ZNF714: variants seen among roughly 807,000 people sequenced by gnomAD.
The protein encoded by ZNF714 is zinc finger protein 714.
In ZNF714, 32 loss-of-function variants were observed where a neutral mutation model predicts 46.2. That is an observed-to-expected ratio of 0.69 (90% CI 0.52 to 0.93). The LOEUF (loss-of-function observed/expected upper bound fraction) is 0.93, where lower values mean the gene tolerates loss of function less well. ZNF714 is among the 40% of genes least tolerant of loss of function. ZNF714 has a pLI of 0.00. For synonymous variants in ZNF714, 199 were observed against 213.1 expected (o/e 0.93, Z 0.58); for missense variants, 635 against 646.3 (o/e 0.98, Z 0.19).
In ZNF714 at chr19:21,104,315, C is replaced by G. The variant is rs371476186; in HGVS notation, c.142+5405C>G. 1.8e-4 allele frequency among the ~76,000 whole-genome samples: 27 copies of G among 152,142 alleles called. No individual in the cohort carries two copies. In the East Asian group the frequency reaches 4.8e-3, roughly 27 times the overall value. On this transcript the variant is annotated intron_variant, in intron 4 of 4. Coordinates refer to ENST00000456283, the MANE Select transcript of ZNF714 (RefSeq NM_182515.4). The stretch of plus-strand genomic sequence containing the variant: ...CAACTGGGTTGCTTCTGCCTTTTGG[C>G]TTTTGTGAATACTGGTACAATAAAC...
At chr19:21,109,795 T>TC (rs34724055) in intron 4 of ZNF714, among the ~76,000 whole-genome samples, 124,338 of 151,814 alleles carry the variant, frequency 0.82, 52,867 homozygotes, top group Middle Eastern at 0.93. Context: ...CCCCCATATG[T>TC]CATGTGTTCT....
Position 21,089,383 on chromosome 19 carries a change from G to A in ZNF714, c.-85+5314G>A, listed in dbSNP as rs140619606. On this transcript the variant is annotated intron_variant, in intron 2 of 4. Coordinates refer to ENST00000456283, the MANE Select transcript of ZNF714 (RefSeq NM_182515.4). Reference sequence around the variant, plus strand: ...TTACCAGACTTTAGTCAGGTCAAACGGCCAATATCTCTGGTTTTTGAATTT... The same window carrying A: ...TTACCAGACTTTAGTCAGGTCAAACAGCCAATATCTCTGGTTTTTGAATTT... 1.4e-3 allele frequency among the ~76,000 whole-genome samples: 212 copies of A among 152,180 alleles called. 2 individuals are homozygous for A. Among genetic ancestry groups the A allele is most frequent in the African/African-American group, 4.9e-3 (202 of 41,528 alleles).
intron 2 of ZNF714, among the ~76,000 whole-genome samples, chr19:21,096,769 A>T (rs190684694): frequency 3.8e-4 from 58 of 152,300 alleles, no homozygotes; most frequent in African/African-American, 1.3e-3. Context: ...GATGGAGAAC[A>T]TATAATGTTG....
intron 3 of ZNF714, 73 bp downstream of exon 3, chr19:21,098,384 T>C: frequency 6.4e-7 from 1 of 1,551,676 alleles, no homozygotes. Flanking sequence ...TAGAATTTTC[T>C]TTGGTAATTT....
intron 2 of ZNF714, among the ~76,000 whole-genome samples, chr19:21,094,466 C>A (rs1968991526): frequency 6.6e-6 from 1 of 152,192 alleles, no homozygotes; most frequent in Non-Finnish European, 1.5e-5. Flanking sequence ...AATGGTTGAA[C>A]TAATTTACCC....
At chr19:21,101,643 T>C (rs1199517583) in intron 4 of ZNF714, among the ~76,000 whole-genome samples, 1 of 152,152 alleles carries the variant, frequency 6.6e-6, no homozygotes, top group East Asian at 1.9e-4. Context: ...AACTGAGTCA[T>C]TAAACTACTT....
intron 2 of ZNF714, among the ~76,000 whole-genome samples, chr19:21,096,567 G>A (rs1969045242): frequency 6.6e-6 from 1 of 152,114 alleles, no homozygotes. Flanking sequence ...TGATAGTCAA[G>A]GATCTCTAAA....
At chr19:21,116,699 T>C in intron 4 of ZNF714, 108 bp from the exon 5 acceptor site, 1 of 1,310,788 alleles carries the variant, frequency 7.6e-7, no homozygotes, top group Non-Finnish European at 1.0e-6. Flanking sequence ...CTGTGGTATT[T>C]TATTATGGCA....
intron 2 of ZNF714, among the ~76,000 whole-genome samples, chr19:21,088,520 A>T (rs1250792254): frequency 1.3e-5 from 2 of 152,152 alleles, no homozygotes; most frequent in Non-Finnish European, 2.9e-5. Context: ...TATCTGACCT[A>T]TATAATTTAG....
chr19:21,112,228 T>A (rs1969463429), intron 4 of ZNF714, among the ~76,000 whole-genome samples: 1 of 152,154 alleles, frequency 6.6e-6, no homozygotes, highest in Non-Finnish European at 1.5e-5. Flanking sequence ...CTTTTTATGG[T>A]TGGTAGGCTA....
chr19:21,099,378 C>T (rs1969118687), intron 4 of ZNF714, among the ~76,000 whole-genome samples: 1 of 152,052 alleles, frequency 6.6e-6, no homozygotes, highest in Admixed American at 6.6e-5. Context: ...CGGGTTTTTA[C>T]CATGTTGGCC....
intron 4 of ZNF714, among the ~76,000 whole-genome samples, chr19:21,111,193 T>G (rs1476910912): frequency 6.6e-6 from 1 of 152,176 alleles, no homozygotes; most frequent in Non-Finnish European, 1.5e-5. Flanking sequence ...ATGGCCATTT[T>G]TACAATATTG....
At chr19:21,103,697 C>T (rs756557287) in intron 4 of ZNF714, among the ~76,000 whole-genome samples, 7 of 152,000 alleles carry the variant, frequency 4.6e-5, no homozygotes, top group Non-Finnish European at 8.8e-5. Flanking sequence ...ATCATTTGAG[C>T]CCAGCCTGGG....
intron 1 of ZNF714, 90 bp downstream of exon 1, chr19:21,082,438 G>A (rs1599522559): frequency 6.3e-6 from 8 of 1,279,920 alleles, no homozygotes; most frequent in South Asian, 4.9e-5. Context: ...AGGCCTCCCC[G>A]CAGTCAACTC....
intron 2 of ZNF714, chr19:21,091,517 A>G (rs1312894417): frequency 1.3e-5 from 2 of 152,178 alleles, no homozygotes; most frequent in African/African-American, 2.4e-5. Flanking sequence ...CTCTGACAGA[A>G]TCTGTGTCTG....
At chr19:21,104,183 A>G (rs1969256722) in intron 4 of ZNF714, among the ~76,000 whole-genome samples, 1 of 152,032 alleles carries the variant, frequency 6.6e-6, no homozygotes, top group Admixed American at 6.6e-5. Context: ...ATGTGACAAG[A>G]TTTCTTTGAT....
chr19:21,105,097 T>C (rs1195121080), intron 4 of ZNF714, among the ~76,000 whole-genome samples: 2 of 148,036 alleles, frequency 1.4e-5, no homozygotes, highest in African/African-American at 2.5e-5. Context: ...TGATCTTGGC[T>C]CACTGCAAAC....
chr19:21,109,368 T>A (rs887634471), intron 4 of ZNF714, among the ~76,000 whole-genome samples: 1 of 152,092 alleles, frequency 6.6e-6, no homozygotes, highest in African/African-American at 2.4e-5. Context: ...ATATTTGCCA[T>A]CCCAAGCCCA....
chr19:21,099,948 C>T (rs1373128862), intron 4 of ZNF714, among the ~76,000 whole-genome samples: 2 of 152,064 alleles, frequency 1.3e-5, no homozygotes, highest in African/African-American at 2.4e-5. Flanking sequence ...CTCCACTTTC[C>T]GAGTTCAAGT....
Sources: gnomAD v4.1 joint callset for allele counts (sites outside exome capture counted in the v4.1 genomes callset) on GRCh38, gnomAD v4.1.1 for gene constraint, MANE v1.5 for transcripts, NCBI Gene and HGNC (gene_info 2026-07-23, HGNC 2026-07-21) for gene names.